The following SETD2 variants were observed in gnomAD, a reference collection of about 807,000 sequenced individuals.
The protein encoded by SETD2 is histone-lysine N-methyltransferase SETD2.
A neutral mutation model predicts 242.1 loss-of-function variants in SETD2; 31 were observed. The ratio of observed to expected loss-of-function variants is 0.13; its 90% CI spans 0.10 to 0.17. The LOEUF is 0.17. Among genes scored for constraint, SETD2 ranks in the 10% least tolerant of loss-of-function variants. The pLI is 1.00. For synonymous variants in SETD2, 1,006 were observed against 1,066.5 expected, an observed-to-expected ratio of 0.94 and a Z score of 1.11; for missense variants, 2,481 against 3,046.3, an observed-to-expected ratio of 0.81 and a Z score of 4.37.
chr3:47,147,093 C>G (rs1225231140), intron 1 of SETD2, among the ~76,000 whole-genome samples: 1 of 152,134 alleles, frequency 6.6e-6, no homozygotes, highest in Non-Finnish European at 1.5e-5. Flanking sequence ...TCACTGCAAC[C>G]TCTGCCTCCC....
rs550723354 is a variant in SETD2 at position 47,124,247 on chromosome 3, G to T, written c.389C>A (p.Ser130Tyr). The stretch of plus-strand genomic sequence containing the variant: ...TTCCACCCTTGACTTTGGTGGGGAA[G>T]ATTCTTCTGCAGTAGATAAGGTATC... ...IGDTLSTAEESSPPKSRVELG... is the reference protein window; with the variant it reads ...IGDTLSTAEEYSPPKSRVELG... Residue 130 changes from serine (S) to tyrosine (Y), a missense_variant, in exon 3 of 21, where the codon TCT (serine) becomes TAT (tyrosine). Transcript: ENST00000409792. 1 of 1,551,744 alleles carries T rather than the reference G, an allele frequency of 6.4e-7. No homozygotes were observed. The highest frequency in any genetic ancestry group is 1.2e-5 in the South Asian group (1 of 84,066).
chr3:47,157,270 A>G (rs1247035106), intron 1 of SETD2, among the ~76,000 whole-genome samples: 1 of 152,116 alleles, frequency 6.6e-6, no homozygotes, highest in African/African-American at 2.4e-5. Context: ...CAAAACAAAA[A>G]AATTAGCCAG....
intron 16 of SETD2, among the ~76,000 whole-genome samples, chr3:47,044,394 A>G (rs1433842241): frequency 2.1e-5 from 3 of 145,008 alleles, no homozygotes; most frequent in African/African-American, 7.5e-5. Flanking sequence ...AAAGGCCTAG[A>G]AGGGCTCAAC....
Position 47,087,971 on chromosome 3 carries a change from A to G in SETD2, c.5277+142T>C, listed in dbSNP as rs2107650094. 3 of 816,348 alleles carry G rather than the reference A, an allele frequency of 3.7e-6. 1 individual carries two copies. The highest frequency in any genetic ancestry group is 5.2e-6 in the Non-Finnish European group (3 of 572,850). 50.6% of individuals were successfully genotyped at this position (816,348 alleles called of 1,614,324 possible). ...ACAGAACAAGACCCCATCTAAACAA[A>G]CAAACAAACAAACAAACAAACAAAT... On this transcript the variant is annotated intron_variant, in intron 10 of 20. Transcript: ENST00000409792.
intron 1 of SETD2, among the ~76,000 whole-genome samples, chr3:47,136,265 C>T (rs919025377): frequency 6.6e-6 from 1 of 152,150 alleles, no homozygotes; most frequent in Non-Finnish European, 1.5e-5. Flanking sequence ...CTGACCTTAC[C>T]TCTTTCCATA....
chr3:47,125,426 G>A (rs979664735), intron 2 of SETD2, among the ~76,000 whole-genome samples: 1 of 152,062 alleles, frequency 6.6e-6, no homozygotes, highest in African/African-American at 2.4e-5. Context: ...GATGAGGAAA[G>A]GGTTTGTTTT....
At chr3:47,019,552 C>A (rs2038127118) in intron 19 of SETD2, among the ~76,000 whole-genome samples, 1 of 152,166 alleles carries the variant, frequency 6.6e-6, no homozygotes, top group Non-Finnish European at 1.5e-5. Context: ...CAAATGTGGT[C>A]TGAGAGGGGC....
intron 8 of SETD2, among the ~76,000 whole-genome samples, chr3:47,101,126 C>T (rs1288543596): frequency 2.7e-5 from 4 of 149,594 alleles, no homozygotes; most frequent in African/African-American, 4.9e-5. Flanking sequence ...TGCTGAATAA[C>T]GGATACAGAG....
intron 12 of SETD2, among the ~76,000 whole-genome samples, chr3:47,082,817 G>T (rs2041373089): frequency 1.3e-5 from 2 of 152,156 alleles, no homozygotes; most frequent in Admixed American, 1.3e-4. Context: ...CAAATCACAG[G>T]ATCTAATGGA....
At chr3:47,131,667 T>C (rs997878621) in intron 1 of SETD2, among the ~76,000 whole-genome samples, 3 of 151,886 alleles carry the variant, frequency 2.0e-5, no homozygotes, top group African/African-American at 7.3e-5. Flanking sequence ...TTTGAAAAAG[T>C]ACTATATGTA....
At chr3:47,083,597 GA>G in intron 12 of SETD2, 122 bp downstream of exon 12, 1 of 897,312 alleles carries the variant, frequency 1.1e-6, no homozygotes, top group Non-Finnish European at 1.7e-6. Flanking sequence ...AAAACAGTAA[GA>G]GAGACAGTAT....
intron 18 of SETD2, 77 bp downstream of exon 18, chr3:47,037,589 A>C (rs1277191629): frequency 9.4e-7 from 1 of 1,067,600 alleles, no homozygotes; most frequent in African/African-American, 1.6e-5. Context: ...TAAAGAAAAA[A>C]GAATCCCAAG....
intron 14 of SETD2, among the ~76,000 whole-genome samples, chr3:47,058,242 A>C (rs1015818101): frequency 1.3e-5 from 2 of 152,064 alleles, no homozygotes; most frequent in African/African-American, 4.8e-5. Context: ...CAGGAGTTCA[A>C]GACCAGCCTG....
chr3:47,148,135 T>C (rs996300250), intron 1 of SETD2, among the ~76,000 whole-genome samples: 1 of 151,540 alleles, frequency 6.6e-6, no homozygotes, highest in Non-Finnish European at 1.5e-5. Context: ...GTTGTTGTTG[T>C]TGTTGTTGTT....
chr3:47,083,117 C>T (rs1465659215), intron 12 of SETD2, among the ~76,000 whole-genome samples: 2 of 152,182 alleles, frequency 1.3e-5, no homozygotes, highest in Non-Finnish European at 2.9e-5. Flanking sequence ...AAACCCTGCA[C>T]ATCTTGCTAC....
intron 12 of SETD2, among the ~76,000 whole-genome samples, chr3:47,081,982 C>T (rs1260084456): frequency 6.6e-6 from 1 of 152,086 alleles, no homozygotes; most frequent in Non-Finnish European, 1.5e-5. Context: ...GATCATCAAG[C>T]TACATATAAA....
At chr3:47,082,925 G>A (rs1287200888) in intron 12 of SETD2, among the ~76,000 whole-genome samples, 2 of 152,122 alleles carry the variant, frequency 1.3e-5, no homozygotes, top group South Asian at 2.1e-4. Context: ...CTTCATCTCC[G>A]GCAGAAGAAA....
chr3:47,145,973 G>A (rs1257984341), intron 1 of SETD2, among the ~76,000 whole-genome samples: 2 of 126,864 alleles, frequency 1.6e-5, no homozygotes, highest in East Asian at 5.1e-4. Context: ...CTATGATGGT[G>A]CCACTGCACT....
intron 16 of SETD2, among the ~76,000 whole-genome samples, chr3:47,043,015 T>C (rs2039353070): frequency 6.9e-6 from 1 of 145,014 alleles, no homozygotes; most frequent in Non-Finnish European, 1.5e-5. Context: ...CTAAATGGGA[T>C]ACAGAAATAT....
Sources: allele counts gnomAD v4.1 joint callset (sites outside exome capture counted in the v4.1 genomes callset), GRCh38; gene constraint gnomAD v4.1.1; transcripts MANE v1.5; gene names NCBI Gene and HGNC (gene_info 2026-07-23, HGNC 2026-07-21).